The following EYS variants were observed in gnomAD, a reference collection of about 807,000 sequenced individuals.
EYS encodes EGF-like photoreceptor maintenance factor.
Under a neutral mutation model 282.1 loss-of-function variants are expected in EYS, and 250 were observed. That is an observed-to-expected ratio of 0.89 (90% CI 0.80 to 0.98). The LOEUF is 0.98. Among genes scored for constraint, EYS ranks in the 50% least tolerant of loss-of-function variants. The probability of loss-of-function intolerance (pLI) is 0.00; values close to 1 mark genes in which losing one functional copy is unlikely to be tolerated. For synonymous variants in EYS, 1,355 were observed against 1,282.9 expected (o/e 1.06, Z -1.20); for missense variants, 4,016 against 3,709.0 (o/e 1.08, Z -2.15).
chr6:65,006,469 G>A (rs1177623047), intron 13 of EYS, among the ~76,000 whole-genome samples: 1 of 122,434 alleles, frequency 8.2e-6, no homozygotes, highest in Non-Finnish European at 1.6e-5. Context: ...ACCTCGTTGT[G>A]AGCACACCTC....
intron 2 of EYS, among the ~76,000 whole-genome samples, chr6:65,561,381 T>C (rs1381237531): frequency 6.6e-6 from 1 of 152,196 alleles, no homozygotes; most frequent in Non-Finnish European, 1.5e-5. Flanking sequence ...CATTTACTTC[T>C]CTCTCAAGGG....
chr6:64,750,288 C>T (rs796501288), intron 22 of EYS, among the ~76,000 whole-genome samples: 14 of 151,864 alleles, frequency 9.2e-5, no homozygotes, highest in African/African-American at 3.4e-4. Context: ...CTAGATTCTT[C>T]TATTGGACAT....
intron 22 of EYS, among the ~76,000 whole-genome samples, chr6:64,688,713 G>A (rs938744905): frequency 5.3e-5 from 8 of 152,168 alleles, no homozygotes; most frequent in South Asian, 2.1e-4. Flanking sequence ...GATTTGGGGT[G>A]GAGAGTTCTG....
At chr6:65,352,799 C>A (rs1233307672) in intron 9 of EYS, among the ~76,000 whole-genome samples, 1 of 151,862 alleles carries the variant, frequency 6.6e-6, no homozygotes, top group Non-Finnish European at 1.5e-5. Flanking sequence ...GAAGAGAAAT[C>A]AAAATATCTA....
chr6:64,478,381 T>C (rs1282523995), intron 26 of EYS, among the ~76,000 whole-genome samples: 1 of 151,776 alleles, frequency 6.6e-6, no homozygotes, highest in Admixed American at 6.6e-5. Flanking sequence ...ATCAGTTGAA[T>C]GGATGGAAAA....
At chr6:64,739,522 A>G (rs530087746) in intron 22 of EYS, among the ~76,000 whole-genome samples, 109 of 152,304 alleles carry the variant, frequency 7.2e-4, no homozygotes, top group African/African-American at 2.4e-3. Context: ...CTGTTTAGGC[A>G]TCTTAATCTC....
At chr6:64,663,459 G>A (rs115941578) in intron 22 of EYS, among the ~76,000 whole-genome samples, 1 of 152,130 alleles carries the variant, frequency 6.6e-6, no homozygotes, top group Admixed American at 6.5e-5. Flanking sequence ...AATCTCAGAG[G>A]CTAAAGTAAC....
At chr6:64,717,952 C>T (rs1343495857) in intron 22 of EYS, among the ~76,000 whole-genome samples, 1 of 152,072 alleles carries the variant, frequency 6.6e-6, no homozygotes, top group Non-Finnish European at 1.5e-5. Flanking sequence ...TTGATGAATG[C>T]AGAGAGGAAA....
Position 64,406,920 on chromosome 6 carries a change from G to C in EYS, c.5928-18080C>G, listed in dbSNP as rs558072797. ...GCGATTCCTTAAGGATCTAGAACTA[G>C]AAAATTGACCCAGCAGTCCCATTAC... On this transcript the variant is annotated intron_variant, in intron 28 of 42. Coordinates refer to ENST00000503581, the MANE Select transcript of EYS (RefSeq NM_001142800.2). 2.6e-5 allele frequency among the ~76,000 whole-genome samples: 4 copies of C among 152,026 alleles called. No homozygotes were observed. The East Asian group carries it at 7.8e-4, about 30-fold the overall frequency.
intron 31 of EYS, among the ~76,000 whole-genome samples, chr6:64,121,509 T>C (rs2064531695): frequency 1.3e-5 from 2 of 152,242 alleles, no homozygotes; most frequent in African/African-American, 2.4e-5. Flanking sequence ...ATAACCGTTA[T>C]GTTTAACATC....
intron 22 of EYS, among the ~76,000 whole-genome samples, chr6:64,675,429 T>TTTTC (rs1491190709): frequency 0.017 from 182 of 10,682 alleles, no homozygotes; most frequent in African/African-American, 0.065. Flanking sequence ...TTTTTTTTTC[T>TTTTC]TTTTTTTTTT....
chr6:65,162,381 C>T (rs370877017), intron 12 of EYS, among the ~76,000 whole-genome samples: 8 of 151,284 alleles, frequency 5.3e-5, no homozygotes, highest in African/African-American at 9.7e-5. Context: ...GGAAAATCCT[C>T]GGTAACACTA....
chr6:64,345,402 C>A, intron 29 of EYS, among the ~76,000 whole-genome samples: 1 of 152,076 alleles, frequency 6.6e-6, no homozygotes, highest in Non-Finnish European at 1.5e-5. Flanking sequence ...TGCTGCATAT[C>A]TACAACTATC....
chr6:64,347,133 A>T (rs972910461), intron 29 of EYS, among the ~76,000 whole-genome samples: 5 of 151,400 alleles, frequency 3.3e-5, no homozygotes, highest in Admixed American at 2.0e-4. Flanking sequence ...CTTCAAAAAA[A>T]TTTTTGCTCA....
intron 31 of EYS, among the ~76,000 whole-genome samples, chr6:64,212,521 C>A (rs1284038619): frequency 6.6e-6 from 1 of 150,988 alleles, no homozygotes; most frequent in African/African-American, 2.4e-5. Flanking sequence ...GGCTTCCACA[C>A]CAAATCTAGC....
chr6:65,642,323 AGCATAATTAAGCACT>A (rs1767301963), intron 1 of EYS, among the ~76,000 whole-genome samples: 1 of 152,148 alleles, frequency 6.6e-6, no homozygotes, highest in Non-Finnish European at 1.5e-5. Flanking sequence ...TGTATAATTA[AGCATAATTAAGCACT>A]GCATAATTAT....
intron 12 of EYS, among the ~76,000 whole-genome samples, chr6:65,190,495 C>T (rs1348451615): frequency 6.6e-6 from 1 of 151,362 alleles, no homozygotes; most frequent in Non-Finnish European, 1.5e-5. Context: ...GCCGTACCTA[C>T]TGTGTCTGAC....
chr6:65,589,394 C>T (rs1481449136), intron 2 of EYS, among the ~76,000 whole-genome samples: 1 of 151,998 alleles, frequency 6.6e-6, no homozygotes, highest in African/African-American at 2.4e-5. Flanking sequence ...TCTTTACCTC[C>T]AGTTGAAATT....
chr6:64,278,616 T>C (rs1480590207), intron 30 of EYS, among the ~76,000 whole-genome samples: 1 of 152,182 alleles, frequency 6.6e-6, no homozygotes, highest in Admixed American at 6.5e-5. Context: ...TCTTGATAAT[T>C]TGGGATACCA....
Sources: gnomAD v4.1 joint callset for allele counts (sites outside exome capture counted in the v4.1 genomes callset) on GRCh38, gnomAD v4.1.1 for gene constraint, MANE v1.5 for transcripts, NCBI Gene and HGNC (gene_info 2026-07-23, HGNC 2026-07-21) for gene names.